Variants in ITFG1 observed in about 807,000 individuals in gnomAD.
ITFG1 encodes T-cell immunomodulatory protein.
A neutral mutation model predicts 81.8 loss-of-function variants in ITFG1; 34 were observed. That is an observed-to-expected ratio of 0.42 (90% CI 0.32 to 0.55). ITFG1 has a LOEUF of 0.55. Ranked by LOEUF, ITFG1 falls within the 20% of genes least tolerant of loss-of-function variation. The pLI is 0.17. For synonymous variants in ITFG1, 285 were observed against 270.6 expected (o/e 1.05, Z -0.52); for missense variants, 672 against 755.4 (o/e 0.89, Z 1.29).
At chr16:47,237,871 T>G in intron 13 of ITFG1, 94 bp downstream of exon 13, 7 of 643,404 alleles carry the variant, frequency 1.1e-5, no homozygotes, top group Non-Finnish European at 8.2e-6. Flanking sequence ...CAGATAATAA[T>G]GATATTTGAT....
chr16:47,257,156 C>T (rs1966148156), intron 12 of ITFG1, among the ~76,000 whole-genome samples: 1 of 152,138 alleles, frequency 6.6e-6, no homozygotes, highest in Non-Finnish European at 1.5e-5. Flanking sequence ...CTAGCCAGCA[C>T]AAGAAAAATA....
At chr16:47,440,724 A>T (rs949351519) in intron 5 of ITFG1, among the ~76,000 whole-genome samples, 1 of 152,198 alleles carries the variant, frequency 6.6e-6, no homozygotes, top group Non-Finnish European at 1.5e-5. Flanking sequence ...AATGCCCACA[A>T]GAGAAAGAAG....
chr16:47,192,821 T>C (rs1252387205), intron 14 of ITFG1, among the ~76,000 whole-genome samples: 1 of 152,220 alleles, frequency 6.6e-6, no homozygotes, highest in African/African-American at 2.4e-5. Context: ...ACAAGGGCAT[T>C]TTCCCCTCAG....
chr16:47,201,857 G>T (rs142013094), intron 14 of ITFG1, among the ~76,000 whole-genome samples: 73 of 152,220 alleles, frequency 4.8e-4, no homozygotes, highest in African/African-American at 1.7e-3. Context: ...TCCTCATCAA[G>T]GGGTCTGGCA....
Position 47,290,005 on chromosome 16 carries a change from C to T in ITFG1, c.1070+21235G>A, listed in dbSNP as rs558624364. Among the ~76,000 whole-genome samples, 5 of 152,128 alleles carry T rather than the reference C, an allele frequency of 3.3e-5. No homozygotes were observed. The East Asian group carries it at 9.7e-4, about 29-fold the overall frequency. Reference sequence around the variant, plus strand: ...AGCTTTTGCTGTATCCCACAGGTTTCGGTATGCTGTTTTCCTATCTTCATT... The same window carrying T: ...AGCTTTTGCTGTATCCCACAGGTTTTGGTATGCTGTTTTCCTATCTTCATT... On this transcript the variant is annotated intron_variant, in intron 10 of 17. Transcript: ENST00000320640.
At chr16:47,218,222 TAAAAG>T (rs1206272939) in intron 14 of ITFG1, 1 of 152,176 alleles carries the variant, frequency 6.6e-6, no homozygotes, top group African/African-American at 2.4e-5. Context: ...CTAGGCATCT[TAAAAG>T]AAGCATATTC....
intron 12 of ITFG1, among the ~76,000 whole-genome samples, chr16:47,252,655 C>A (rs1484503315): frequency 6.6e-6 from 1 of 152,172 alleles, no homozygotes; most frequent in Admixed American, 6.5e-5. Flanking sequence ...ATCTGCTGTG[C>A]TGTGCGTAAG....
chr16:47,439,203 G>A (rs951647195), intron 5 of ITFG1, among the ~76,000 whole-genome samples: 3 of 152,142 alleles, frequency 2.0e-5, no homozygotes, highest in Non-Finnish European at 2.9e-5. Flanking sequence ...TCAAATCTAC[G>A]TCTAACTGGT....
upstream of ITFG1, chr16:47,461,241 A>C: frequency 9.7e-7 from 1 of 1,035,836 alleles, no homozygotes. Flanking sequence ...AGCCGCCCTC[A>C]CGCTCACTTC....
At chr16:47,327,196 A>C (rs1967560953) in intron 8 of ITFG1, among the ~76,000 whole-genome samples, 1 of 152,230 alleles carries the variant, frequency 6.6e-6, no homozygotes, top group African/African-American at 2.4e-5. Flanking sequence ...CTGATCTTTG[A>C]CAAACCTGAC....
At chr16:47,423,896 A>G (rs976449642) in intron 6 of ITFG1, among the ~76,000 whole-genome samples, 3 of 152,150 alleles carry the variant, frequency 2.0e-5, no homozygotes, top group African/African-American at 7.2e-5. Context: ...GAATCTGACA[A>G]TTATGTGTCT....
At chr16:47,319,922 T>C (rs1458059117) in intron 8 of ITFG1, among the ~76,000 whole-genome samples, 2 of 152,182 alleles carry the variant, frequency 1.3e-5, no homozygotes, top group African/African-American at 2.4e-5. Context: ...GGCCCAAATA[T>C]ATATACATAT....
chr16:47,233,090 G>C (rs1965834633), intron 13 of ITFG1, among the ~76,000 whole-genome samples: 1 of 152,096 alleles, frequency 6.6e-6, no homozygotes, highest in Non-Finnish European at 1.5e-5. Flanking sequence ...TTCAAATAAA[G>C]CAAAACCAAT....
chr16:47,161,552 T>C, intron 16 of ITFG1, 198 bp downstream of exon 16: 1 of 402,234 alleles, frequency 2.5e-6, no homozygotes, highest in Non-Finnish European at 4.6e-6. Flanking sequence ...CTAATAGGAT[T>C]GAATTTGTTC....
chr16:47,165,012 T>C (rs1228291272), intron 14 of ITFG1, among the ~76,000 whole-genome samples: 3 of 152,212 alleles, frequency 2.0e-5, no homozygotes, highest in Non-Finnish European at 4.4e-5. Context: ...ATTTCCAGAG[T>C]TCTGAAATGG....
intron 8 of ITFG1, among the ~76,000 whole-genome samples, chr16:47,319,260 T>C (rs1052301728): frequency 5.3e-5 from 8 of 152,338 alleles, no homozygotes; most frequent in South Asian, 2.1e-4. Context: ...TGTCAGCTCA[T>C]TGCAGATAAA....
chr16:47,295,382 G>T (rs1449159446), intron 10 of ITFG1, among the ~76,000 whole-genome samples: 4 of 152,212 alleles, frequency 2.6e-5, no homozygotes, highest in Admixed American at 6.5e-5. Context: ...CAGTAGAACT[G>T]GTACCAGTAC....
intron 8 of ITFG1, among the ~76,000 whole-genome samples, chr16:47,333,643 A>G (rs1288698403): frequency 6.6e-6 from 1 of 152,200 alleles, no homozygotes; most frequent in Non-Finnish European, 1.5e-5. Flanking sequence ...TGAAGTTGGT[A>G]AGCAGTAGAG....
chr16:47,311,127 CTTAT>C (rs1320465237), intron 10 of ITFG1, 109 bp downstream of exon 10: 2 of 655,346 alleles, frequency 3.1e-6, no homozygotes, highest in Admixed American at 7.3e-5. Context: ...CACCATGTTC[CTTAT>C]TTAAGAGATT....
Sources: allele counts gnomAD v4.1 joint callset (sites outside exome capture counted in the v4.1 genomes callset), GRCh38; gene constraint gnomAD v4.1.1; transcripts MANE v1.5; gene names NCBI Gene and HGNC (gene_info 2026-07-23, HGNC 2026-07-21).